The following NOS3 variants were observed in gnomAD, a reference collection of about 807,000 sequenced individuals.
The protein encoded by NOS3 is nitric oxide synthase 3.
Under a neutral mutation model 144.9 loss-of-function variants are expected in NOS3, and 98 were observed. The ratio of observed to expected loss-of-function variants is 0.68; its 90% CI spans 0.57 to 0.80. The LOEUF (loss-of-function observed/expected upper bound fraction) is 0.80, where lower values mean the gene tolerates loss of function less well. Among genes scored for constraint, NOS3 ranks in the 30% least tolerant of loss-of-function variants. The probability of loss-of-function intolerance (pLI) is 0.00; values close to 1 mark genes in which losing one functional copy is unlikely to be tolerated. For synonymous variants in NOS3, 714 were observed against 702.4 expected (o/e 1.02, Z -0.26); for missense variants, 1,465 against 1,656.4 (o/e 0.88, Z 2.01).
intron 17 of NOS3, 178 bp from the exon 18 acceptor site, chr7:151,008,751 TG>T (rs1328965665): frequency 2.6e-5 from 17 of 646,968 alleles, no homozygotes; most frequent in Non-Finnish European, 4.3e-5. Context: ...GCCGGGTCCC[TG>T]GGCCCAGCGG....
Position 151,014,069 on chromosome 7 carries a change from G to A in NOS3, c.3512G>A (p.Ser1171Asn). The change falls in exon 27 of 27, where the codon AGC becomes AAC. Residue 1171 changes from serine (S) to asparagine (N), a missense_variant. Ser to Asn is a conservative substitution (Grantham distance 46). This residue lies in a region of NOS3 where 228 missense variants were observed against 227.7 expected (regional missense o/e 1.00). Transcript: ENST00000297494. ...GLTLRTQEVT[S>N]RIRTQSFSLQ... ...ACGCTGCGCACCCAGGAGGTGACAA[G>A]CCGCATACGCACCCAGAGCTTTTCC... 6.2e-7 allele frequency: 1 copy of A among 1,613,900 alleles called. No homozygotes were observed. The highest frequency in any genetic ancestry group is 1.3e-5 in the African/African-American group (1 of 75,064).
chr7:151,004,620 C>T (rs954750824), intron 14 of NOS3, among the ~76,000 whole-genome samples: 2 of 152,180 alleles, frequency 1.3e-5, no homozygotes, highest in Non-Finnish European at 2.9e-5. Flanking sequence ...GAACGAAACA[C>T]AACCACACAC....
chr7:151,007,319 A>G, intron 17 of NOS3, 43 bp downstream of exon 17: 1 of 1,543,908 alleles, frequency 6.5e-7, no homozygotes, highest in Admixed American at 1.9e-5. Flanking sequence ...GCCCCCTGGG[A>G]TGCCTCCTCC....
chr7:151,011,815 C>T (rs936103154), intron 23 of NOS3: 34 of 443,408 alleles, frequency 7.7e-5, no homozygotes, highest in Admixed American at 6.1e-4. Flanking sequence ...TGAGCCACCG[C>T]GCCCGGACCG....
At chr7:151,004,291 A>G (rs1795173753) in intron 14 of NOS3, among the ~76,000 whole-genome samples, 2 of 152,322 alleles carry the variant, frequency 1.3e-5, no homozygotes, top group South Asian at 4.1e-4. Flanking sequence ...AGCCGAGATC[A>G]CGCCACTGCA....
Position 151,001,576 on chromosome 7 carries a change from C to G in NOS3, c.1461C>G (p.Gly487=). The G allele has an allele frequency of 6.2e-7, 1 of 1,614,010 alleles. No homozygotes were observed. The highest frequency in any genetic ancestry group is 8.5e-7 in the Non-Finnish European group (1 of 1,180,006). The part of the protein sequence containing the change: ...PDPWKGSAAK[G]TGITRKKTFK... ...CCTGGAAGGGGAGTGCCGCCAAGGG[C>G]ACCGGCATCACCAGGAAGAAGACCT... Residue 487 remains glycine (G), a synonymous_variant, in exon 12 of 27, where the codon GGC becomes GGG. Transcript: ENST00000297494.
In NOS3 at chr7:151,009,073, C is replaced by T. The variant is rs750540085; in HGVS notation, c.2245+11C>T. On this transcript the variant is annotated intron_variant, in intron 18 of 26. Transcript: ENST00000297494. Reference sequence around the variant, plus strand: ...TGCAGTTGCTGCCAGGTGGGCCCTGCCCTCACCCTAACCCGGCTGGTTCTC... The same window carrying T: ...TGCAGTTGCTGCCAGGTGGGCCCTGTCCTCACCCTAACCCGGCTGGTTCTC... 3 of 1,612,960 alleles carry T rather than the reference C, an allele frequency of 1.9e-6. No homozygotes were observed. The highest frequency in any genetic ancestry group is 1.7e-6 in the Non-Finnish European group (2 of 1,179,602).
intron 23 of NOS3, 119 bp from the exon 24 acceptor site, chr7:151,012,225 GTTTTTTT>G: frequency 1.9e-6 from 1 of 518,490 alleles, no homozygotes; most frequent in Non-Finnish European, 3.0e-6. Flanking sequence ...TTTGTTTTTT[GTTTTTTT>G]TTTAATTTTT....
intron 1 of NOS3, among the ~76,000 whole-genome samples, chr7:150,991,906 G>C (rs922402031): frequency 6.6e-6 from 1 of 151,740 alleles, no homozygotes; most frequent in East Asian, 1.9e-4. Flanking sequence ...TGGGTCAGGA[G>C]AATCGCTTGA....
rs781576695 is a variant in NOS3 at position 150,998,924 on chromosome 7, C to G, written c.817-22C>G. 1 of 1,600,936 alleles carries G rather than the reference C, an allele frequency of 6.2e-7. No homozygotes were observed. Among genetic ancestry groups the G allele is most frequent in the Non-Finnish European group, 8.5e-7 (1 of 1,175,098 alleles). ...GGGCATGAGGCTCAGCCCCAGAACC[C>G]CCTCTGGCCCACTCCCCACAGCTCT... On this transcript the variant is annotated intron_variant, in intron 7 of 26. Transcript: ENST00000297494. The surrounding 1 kb of genome is among the most constrained non-coding windows in gnomAD (Gnocchi z 5.0).
At position 150,995,406 on chromosome 7, in the gene NOS3, T is replaced by G. The variant is rs1040044052; in HGVS notation, c.270+92T>G. On this transcript the variant is annotated intron_variant, in intron 3 of 26. Transcript: ENST00000297494. ...GGGCCGGAGAGGGAAGCTCAACCCT[T>G]CTTTGAATTGGTCCCTTGTTTCCAA... 1.7e-5 allele frequency: 13 copies of G among 768,320 alleles called. No individual in the cohort carries two copies. The Admixed American group carries it at 2.2e-4, about 13-fold the overall frequency. The allele number at this position is 768,320 out of a possible 1,614,324, so 47.6% of individuals were successfully genotyped here.
chr7:150,996,481 C>A lies in NOS3; in HGVS notation c.348C>A (p.Gly116=). ...AACTACAGGGCCGGCCCTCCCCCGG[C>A]CCCCCGGCCCCTGAGCAGCTGCTGA... ...PRKLQGRPSP[G]PPAPEQLLSQ... The change falls in exon 4 of 27, where the codon GGC becomes GGA. Residue 116 remains glycine (G), a synonymous_variant. Transcript: ENST00000297494. 6.3e-7 allele frequency: 1 copy of A among 1,595,858 alleles called. No homozygotes were observed. Among genetic ancestry groups the A allele is most frequent in the Admixed American group, 1.7e-5 (1 of 58,412 alleles).
rs201018945 is a variant in NOS3 at position 151,013,882 on chromosome 7, G to A, written c.3414G>A (p.Glu1138=). The A allele has an allele frequency of 9.4e-5, 151 of 1,601,510 alleles. 1 individual carries two copies. The Admixed American group carries it at 2.1e-3, about 22-fold the overall frequency. The change falls in exon 26 of 27, where the codon GAG becomes GAA. Residue 1138 remains glutamate (E), a synonymous_variant. Coordinates refer to ENST00000297494, the MANE Select transcript of NOS3 (RefSeq NM_000603.5). ...TCCTGGCGACGGAGGGCGACATGGAGCTGGACGAGGCCGGCGACGTCATCG... is the reference window on the plus strand; with the variant it reads ...TCCTGGCGACGGAGGGCGACATGGAACTGGACGAGGCCGGCGACGTCATCG... ...QRILATEGDM[E]LDEAGDVIGV... is the part of the protein sequence containing the mutation.
rs1251398570 is a variant in NOS3 at position 151,009,051 on chromosome 7, A to T, written c.2234A>T (p.Gln745Leu). Residue 745 changes from glutamine (Q) to leucine (L), a missense_variant, in exon 18 of 27, where the codon CAG becomes CTG. Physicochemically the swap from Gln to Leu is moderately radical, Grantham distance 113. This residue lies in a region of NOS3 where 745 missense variants were observed against 853.9 expected (regional missense o/e 0.87). Transcript: ENST00000297494. The part of the protein sequence containing the change: ...YRLSAQAEGL[Q>L]LLPGLIHVHR... ...CTGAGCGCCCAGGCCGAGGGCCTGC[A>T]GTTGCTGCCAGGTGGGCCCTGCCCT... The T allele has an allele frequency of 6.2e-7, 1 of 1,612,774 alleles. No individual in the cohort carries two copies. Among genetic ancestry groups the T allele is most frequent in the South Asian group, 1.1e-5 (1 of 90,974 alleles).
At position 150,993,631 on chromosome 7, in the gene NOS3, T is replaced by C. The variant is rs886247323; in HGVS notation, c.-51-122T>C. ...GCCAGCGGGCGTGGAGCTGAGGCTTTAGAGCCTCCCAGCCGGGCTTGTTCC... is the reference window on the plus strand; with the variant it reads ...GCCAGCGGGCGTGGAGCTGAGGCTTCAGAGCCTCCCAGCCGGGCTTGTTCC... On this transcript the variant is annotated intron_variant, in intron 1 of 26. Coordinates refer to ENST00000297494, the MANE Select transcript of NOS3 (RefSeq NM_000603.5). This position sits in a 1 kb window ranked among gnomAD's most constrained non-coding sequence, Gnocchi z 4.0. The C allele has an allele frequency of 1.7e-5, 11 of 642,174 alleles. No homozygotes were observed. The East Asian group carries it at 3.4e-4, about 20-fold the overall frequency. The allele number at this position is 642,174 out of a possible 1,614,324, so 39.8% of individuals were successfully genotyped here. A position where few individuals can be genotyped will look rare whatever the true frequency, so the allele number is the denominator to read the frequency against.
In NOS3 at chr7:150,998,546, A is replaced by G. The variant is rs1341139296; in HGVS notation, c.682A>G (p.Ile228Val). ...TTTCCCCATGCGTGCCAGCTCGGCC[A>G]TCACAGTGTTCCCGCAGCGCTGCCC... ...ATNRGNLRSA[I>V]TVFPQRCPGR... The change falls in exon 7 of 27, where the codon ATC (isoleucine) becomes GTC (valine). Residue 228 changes from isoleucine to valine, a missense_variant. Ile to Val is a conservative substitution (Grantham distance 29). Transcript: ENST00000297494. This position sits in a 1 kb window ranked among gnomAD's most constrained non-coding sequence, Gnocchi z 5.0. 2 of 1,610,828 alleles carry G rather than the reference A, an allele frequency of 1.2e-6. No homozygotes were observed. Among genetic ancestry groups the G allele is most frequent in the Admixed American group, 3.3e-5 (2 of 59,848 alleles).
chr7:151,012,258 A>C (rs1795321314), intron 23 of NOS3, 93 bp from the exon 24 acceptor site: 1 of 1,011,202 alleles, frequency 9.9e-7, no homozygotes, highest in Admixed American at 3.2e-5. Flanking sequence ...AGATGGGAAG[A>C]ACTTGGGTCC....
Position 151,008,923 on chromosome 7 carries a change from C to T in NOS3, c.2113-7C>T. 2 of 1,605,830 alleles carry T rather than the reference C, an allele frequency of 1.2e-6. No individual in the cohort carries two copies. Among genetic ancestry groups the T allele is most frequent in the Non-Finnish European group, 1.7e-6 (2 of 1,177,230 alleles). ...AGGTCCTCAGCCCTCACCGGCCTGT[C>T]CCGCAGGCCGCCTGTGAGACCTTCT... On this transcript the variant is annotated splice_polypyrimidine_tract_variant and splice_region_variant and intron_variant, in intron 17 of 26. Coordinates refer to ENST00000297494, the MANE Select transcript of NOS3 (RefSeq NM_000603.5).
chr7:151,001,009 A>G (rs998004334), intron 10 of NOS3, among the ~76,000 whole-genome samples: 3 of 152,146 alleles, frequency 2.0e-5, no homozygotes, highest in African/African-American at 7.2e-5. Context: ...AGGCATGCAG[A>G]TGCTGGAGAT....
Sources: allele counts gnomAD v4.1 joint callset (sites outside exome capture counted in the v4.1 genomes callset), GRCh38; gene constraint gnomAD v4.1.1; regional missense constraint gnomAD v4.1.1; non-coding constraint Gnocchi (gnomAD v3.1); transcripts MANE v1.5; gene names NCBI Gene and HGNC (gene_info 2026-07-23, HGNC 2026-07-21).